SP4: variants seen among roughly 807,000 people sequenced by gnomAD.
The protein encoded by SP4 is Sp4 transcription factor, also known as transcription factor Sp4.
SP4 carries 19 observed loss-of-function variants against 72.8 expected under a neutral mutation model. The ratio of observed to expected loss-of-function variants is 0.26; its 90% confidence interval spans 0.18 to 0.38. SP4 has a LOEUF of 0.38. Ranked by LOEUF, SP4 falls within the 10% of genes least tolerant of loss-of-function variation. SP4 has a pLI of 1.00. For missense variants in SP4, 1,008 were observed against 926.3 expected, an observed-to-expected ratio of 1.09 and a Z score of -1.14; for synonymous variants, 395 against 333.1, an observed-to-expected ratio of 1.19 and a Z score of -2.02.
At chr7:21,451,569 G>A (rs1226982029) in intron 3 of SP4, among the ~76,000 whole-genome samples, 1 of 152,112 alleles carries the variant, frequency 6.6e-6, no homozygotes, top group African/African-American at 2.4e-5. Flanking sequence ...GGCTGTCAGG[G>A]CAGGGTGGCT....
At chr7:21,436,969 G>T (rs150778694) in intron 3 of SP4, among the ~76,000 whole-genome samples, 1 of 152,052 alleles carries the variant, frequency 6.6e-6, no homozygotes, top group Non-Finnish European at 1.5e-5. Flanking sequence ...TTCTCCTCCA[G>T]TTGTCTTTCT....
intron 3 of SP4, among the ~76,000 whole-genome samples, chr7:21,459,018 ACTGTACC>A (rs1183427264): frequency 6.6e-6 from 1 of 152,244 alleles, no homozygotes; most frequent in Admixed American, 6.5e-5. Context: ...GACAGGGCAT[ACTGTACC>A]CTCTTAGCAC....
intron 3 of SP4, among the ~76,000 whole-genome samples, chr7:21,451,571 AG>A (rs1783601805): frequency 6.6e-6 from 1 of 152,132 alleles, no homozygotes; most frequent in East Asian, 1.9e-4. Context: ...CTGTCAGGGC[AG>A]GGTGGCTCTG....
chr7:21,452,681 A>G (rs760750214), intron 3 of SP4, among the ~76,000 whole-genome samples: 25 of 152,174 alleles, frequency 1.6e-4, no homozygotes, highest in Non-Finnish European at 3.1e-4. Flanking sequence ...AAATAACTAT[A>G]TTGCCATTAG....
chr7:21,491,779 T>C (rs967260256), intron 5 of SP4, among the ~76,000 whole-genome samples: 1 of 152,092 alleles, frequency 6.6e-6, no homozygotes, highest in Non-Finnish European at 1.5e-5. Flanking sequence ...AAGGAAAATA[T>C]CCTCAAAACA....
intron 3 of SP4, among the ~76,000 whole-genome samples, chr7:21,467,810 G>A (rs1243705729): frequency 1.3e-5 from 2 of 151,688 alleles, no homozygotes; most frequent in African/African-American, 2.4e-5. Flanking sequence ...CCCATGGCAA[G>A]TTTTGTATCA....
chr7:21,499,358 G>A (rs1781809622), intron 5 of SP4, among the ~76,000 whole-genome samples: 1 of 152,138 alleles, frequency 6.6e-6, no homozygotes, highest in Non-Finnish European at 1.5e-5. Context: ...TAGGGTCTTT[G>A]CAGATGAAAT....
At chr7:21,493,255 T>C (rs1210962268) in intron 5 of SP4, among the ~76,000 whole-genome samples, 1 of 147,066 alleles carries the variant, frequency 6.8e-6, no homozygotes, top group Non-Finnish European at 1.5e-5. Context: ...AGAAATCAAA[T>C]AACAAAAATA....
intron 5 of SP4, among the ~76,000 whole-genome samples, chr7:21,492,274 C>T (rs1223148977): frequency 6.6e-6 from 1 of 152,084 alleles, no homozygotes; most frequent in Non-Finnish European, 1.5e-5. Flanking sequence ...GAGATACTCC[C>T]CTAAATGTCT....
At chr7:21,454,784 G>A (rs568383026) in intron 3 of SP4, among the ~76,000 whole-genome samples, 1 of 152,290 alleles carries the variant, frequency 6.6e-6, no homozygotes, top group South Asian at 2.1e-4. Flanking sequence ...GTAGCTTTCT[G>A]AAGAGAAATG....
chr7:21,459,270 C>T (rs1783877542), intron 3 of SP4, among the ~76,000 whole-genome samples: 1 of 152,182 alleles, frequency 6.6e-6, no homozygotes, highest in South Asian at 2.1e-4. Context: ...CAGGCATGTA[C>T]TACCACGCCC....
chr7:21,498,522 G>A (rs1438595680), intron 5 of SP4, among the ~76,000 whole-genome samples: 1 of 152,128 alleles, frequency 6.6e-6, no homozygotes, highest in East Asian at 1.9e-4. Flanking sequence ...CTGGGAGTAA[G>A]GTAGGGGTGT....
At chr7:21,451,673 G>A (rs1783606953) in intron 3 of SP4, among the ~76,000 whole-genome samples, 1 of 152,144 alleles carries the variant, frequency 6.6e-6, no homozygotes, top group African/African-American at 2.4e-5. Flanking sequence ...CAGTCTAGGA[G>A]TCCCCTATAG....
intron 3 of SP4, among the ~76,000 whole-genome samples, chr7:21,475,951 GAA>G (rs1367902043): frequency 6.6e-6 from 1 of 152,076 alleles, no homozygotes; most frequent in Non-Finnish European, 1.5e-5. Flanking sequence ...AGAGAATGTA[GAA>G]CTGTGTGAAA....
chr7:21,442,727 A>T (rs1365047890), intron 3 of SP4, among the ~76,000 whole-genome samples: 1 of 152,130 alleles, frequency 6.6e-6, no homozygotes, highest in Non-Finnish European at 1.5e-5. Context: ...TTGAAATTCA[A>T]GTAGTTTTTT....
At chr7:21,458,365 G>A (rs374228933) in intron 3 of SP4, among the ~76,000 whole-genome samples, 17 of 152,230 alleles carry the variant, frequency 1.1e-4, no homozygotes, top group African/African-American at 4.1e-4. Context: ...GCTAATTTTT[G>A]TAAAGACAAG....
At chr7:21,472,692 A>G (rs1025061809) in intron 3 of SP4, among the ~76,000 whole-genome samples, 2 of 151,836 alleles carry the variant, frequency 1.3e-5, no homozygotes. Context: ...AATCTCAGCT[A>G]CTTGGGAGAC....
intron 3 of SP4, among the ~76,000 whole-genome samples, chr7:21,470,234 T>A (rs145615054): frequency 1.6e-3 from 238 of 152,354 alleles, no homozygotes; most frequent in African/African-American, 5.4e-3. Context: ...CATTAAGTAC[T>A]TTCAGTGTGT....
At position 21,512,989 on chromosome 7, in the gene SP4, T is replaced by A. The variant is rs1404278111; in HGVS notation, c.*1720T>A. The stretch of plus-strand genomic sequence containing the variant: ...AAAAAGTATTTACACAGAATCATAA[T>A]CAGTGAAATTGACCATTTGAAAACT... On this transcript the variant is annotated 3_prime_UTR_variant, in exon 6 of 6. Transcript: ENST00000222584. The A allele has an allele frequency of 6.6e-6, 1 of 152,660 alleles. No individual in the cohort carries two copies. Among genetic ancestry groups the A allele is most frequent in the Non-Finnish European group, 1.5e-5 (1 of 68,042 alleles). 9.5% of individuals were successfully genotyped at this position (152,660 alleles called of 1,614,324 possible). A position where few individuals can be genotyped will look rare whatever the true frequency, so the allele number is the denominator to read the frequency against.
Sources: gnomAD v4.1 joint callset for allele counts (sites outside exome capture counted in the v4.1 genomes callset) on GRCh38, gnomAD v4.1.1 for gene constraint, MANE v1.5 for transcripts, NCBI Gene and HGNC (gene_info 2026-07-23, HGNC 2026-07-21) for gene names.